Variants in POT1 observed in about 807,000 individuals in gnomAD.
POT1 encodes the protein protection of telomeres 1, also known as protection of telomeres protein 1.
A neutral mutation model predicts 78.5 loss-of-function variants in POT1; 47 were observed. The observed-to-expected ratio is 0.60, with a 90% CI of 0.47 to 0.76. The LOEUF (loss-of-function observed/expected upper bound fraction) is 0.76, where lower values mean the gene tolerates loss of function less well. Ranked by LOEUF, POT1 falls within the 30% of genes least tolerant of loss-of-function variation. The pLI, the probability that POT1 is intolerant of heterozygous loss-of-function variation, is 0.00. For synonymous variants in POT1, 259 were observed against 260.7 expected, an observed-to-expected ratio of 0.99 and a Z score of 0.06; for missense variants, 646 against 749.9, an observed-to-expected ratio of 0.86 and a Z score of 1.62.
intron 7 of POT1, among the ~76,000 whole-genome samples, chr7:124,868,148 A>T (rs1350973807): frequency 6.6e-6 from 1 of 152,184 alleles, no homozygotes; most frequent in Non-Finnish European, 1.5e-5. Flanking sequence ...TAAGAAAAAC[A>T]AGAAAAAATA....
intron 2 of POT1, among the ~76,000 whole-genome samples, chr7:124,917,388 T>C (rs1328115248): frequency 6.6e-6 from 1 of 152,130 alleles, no homozygotes; most frequent in African/African-American, 2.4e-5. Flanking sequence ...AAAGTAACTC[T>C]GAGGAATATG....
chr7:124,852,906 C>T (rs2116503975), intron 10 of POT1, 66 bp downstream of exon 10: 1 of 1,431,616 alleles, frequency 7.0e-7, no homozygotes, highest in Admixed American at 2.0e-5. Context: ...GCCCCAGGAA[C>T]AATATTATCT....
At chr7:124,919,572 C>T (rs1797097864) in intron 2 of POT1, among the ~76,000 whole-genome samples, 1 of 151,928 alleles carries the variant, frequency 6.6e-6, no homozygotes, top group African/African-American at 2.4e-5. Flanking sequence ...ACTGGTATCC[C>T]CAAAAGAAAA....
chr7:124,859,130 A>G lies in POT1; in HGVS notation c.547-18T>C, dbSNP rs1345647601. On this transcript the variant is annotated intron_variant, in intron 8 of 18. Coordinates refer to ENST00000357628, the MANE Select transcript of POT1 (RefSeq NM_015450.3). ...TCCCATACCTGCCATAAGAGAGTAG[A>G]GTAGTTTTATGATCCTTTTGAAAAA... 1.3e-6 allele frequency: 2 copies of G among 1,498,720 alleles called. No individual in the cohort carries two copies. The highest frequency in any genetic ancestry group is 1.8e-6 in the Non-Finnish European group (2 of 1,119,300). 92.8% of individuals were successfully genotyped at this position (1,498,720 alleles called of 1,614,324 possible).
At chr7:124,861,236 GCTC>G (rs936076337) in intron 8 of POT1, among the ~76,000 whole-genome samples, 7 of 152,218 alleles carry the variant, frequency 4.6e-5, no homozygotes, top group South Asian at 2.1e-4. Context: ...GTGTAAAAGC[GCTC>G]CTTTTTCTCC....
chr7:124,879,574 G>A (rs1327864912), intron 6 of POT1, among the ~76,000 whole-genome samples: 2 of 152,088 alleles, frequency 1.3e-5, no homozygotes, highest in East Asian at 1.9e-4. Flanking sequence ...AATGGCAAAC[G>A]ACATGCTGAC....
intron 7 of POT1, among the ~76,000 whole-genome samples, chr7:124,868,018 A>AT (rs1344309157): frequency 6.6e-6 from 1 of 152,302 alleles, no homozygotes; most frequent in East Asian, 1.9e-4. Flanking sequence ...GCTTCTTTGC[A>AT]TTAAAACAGA....
rs1420393991 is a variant in POT1 at position 124,822,515 on chromosome 7, C to T, written c.*1447G>A. ...GCAGGCTCACAGTGTGAACATATGG[C>T]ACCTTTGGACCTCTACTCTTCTAGA... On this transcript the variant is annotated 3_prime_UTR_variant, in exon 19 of 19. Coordinates refer to ENST00000357628, the MANE Select transcript of POT1 (RefSeq NM_015450.3). 2.2e-6 allele frequency: 1 copy of T among 454,502 alleles called. No individual in the cohort carries two copies. Among genetic ancestry groups the T allele is most frequent in the Non-Finnish European group, 4.4e-6 (1 of 225,544 alleles). The allele number at this position is 454,502 out of a possible 1,614,324, so 28.2% of individuals were successfully genotyped here. A position where few individuals can be genotyped will look rare whatever the true frequency, so the allele number is the denominator to read the frequency against.
chr7:124,913,076 T>G (rs1477488287), intron 3 of POT1, among the ~76,000 whole-genome samples: 4 of 152,260 alleles, frequency 2.6e-5, no homozygotes, highest in Admixed American at 6.5e-5. Context: ...AGAAAAACTC[T>G]CGTTTTTAAA....
intron 6 of POT1, among the ~76,000 whole-genome samples, chr7:124,879,500 A>T (rs1796068941): frequency 6.6e-6 from 1 of 152,126 alleles, no homozygotes. Flanking sequence ...ACATTCAATG[A>T]AATTTCTGTA....
intron 7 of POT1, among the ~76,000 whole-genome samples, chr7:124,864,419 G>A (rs1185913170): frequency 1.3e-5 from 2 of 152,060 alleles, no homozygotes; most frequent in African/African-American, 4.8e-5. Flanking sequence ...TCACAGAAAT[G>A]CAGTTATTAA....
At chr7:124,896,178 A>G (rs890380653) in intron 5 of POT1, among the ~76,000 whole-genome samples, 5 of 151,692 alleles carry the variant, frequency 3.3e-5, no homozygotes, top group Non-Finnish European at 7.4e-5. Context: ...GTAGAAATGT[A>G]AAAACAAGCA....
Position 124,836,682 on chromosome 7 carries a change from T to G in POT1, c.1370-1268A>C, listed in dbSNP as rs934164187. Among the ~76,000 whole-genome samples, 9 of 152,202 alleles carry G rather than the reference T, an allele frequency of 5.9e-5. No homozygotes were observed. In the East Asian group the frequency reaches 9.6e-4, roughly 16 times the overall value. The stretch of plus-strand genomic sequence containing the variant: ...GCTCTGGCACATAAGCTGGACAACC[T>G]TGGTCAAGTTACTTAAACTCTGGTA... On this transcript the variant is annotated intron_variant, in intron 14 of 18. Coordinates refer to ENST00000357628, the MANE Select transcript of POT1 (RefSeq NM_015450.3).
intron 3 of POT1, among the ~76,000 whole-genome samples, chr7:124,911,979 G>A (rs1796898700): frequency 6.6e-6 from 1 of 151,980 alleles, no homozygotes; most frequent in South Asian, 2.1e-4. Context: ...ATTTGAATCT[G>A]GCAACATTCA....
Position 124,892,355 on chromosome 7 carries a change from G to GTA in POT1, c.33_34dup (p.Thr12IlefsTer4). On this transcript the variant is annotated frameshift_variant, in exon 6 of 19. Transcript: ENST00000357628. LOFTEE classifies it high-confidence loss of function. ...ACCACCCTTAAGTTGATTCAGGGGT[G>GTA]TATATATATAATTTGTTGCTGGAAC... The GTA allele has an allele frequency of 1.3e-6, 2 of 1,490,830 alleles. No homozygotes were observed. The highest frequency in any genetic ancestry group is 2.8e-5 in the South Asian group (2 of 71,318). The allele number at this position is 1,490,830 out of a possible 1,614,324, so 92.4% of individuals were successfully genotyped here. A position where few individuals can be genotyped will look rare whatever the true frequency, so the allele number is the denominator to read the frequency against.
intron 14 of POT1, among the ~76,000 whole-genome samples, chr7:124,839,604 G>C (rs947553956): frequency 2.6e-5 from 4 of 152,098 alleles, no homozygotes; most frequent in African/African-American, 9.7e-5. Flanking sequence ...ATAATACTTA[G>C]AAACATAAAA....
intron 6 of POT1, among the ~76,000 whole-genome samples, chr7:124,885,010 CCTAATA>C (rs1036341955): frequency 1.3e-5 from 2 of 152,022 alleles, no homozygotes; most frequent in African/African-American, 4.8e-5. Context: ...AAACTGCATA[CCTAATA>C]CTATCTAGCC....
intron 3 of POT1, among the ~76,000 whole-genome samples, chr7:124,914,102 T>C (rs1584525135): frequency 7.4e-6 from 1 of 135,398 alleles, no homozygotes; most frequent in Admixed American, 8.4e-5. Context: ...GCCACTGCAC[T>C]CCAGCCTGGG....
At chr7:124,920,500 G>A (rs956500266) in intron 2 of POT1, among the ~76,000 whole-genome samples, 2 of 152,100 alleles carry the variant, frequency 1.3e-5, no homozygotes, top group Non-Finnish European at 1.5e-5. Flanking sequence ...ACATTTGCAC[G>A]TATTCGTCAA....
Sources: allele counts gnomAD v4.1 joint callset (sites outside exome capture counted in the v4.1 genomes callset), GRCh38; gene constraint gnomAD v4.1.1; transcripts MANE v1.5; gene names NCBI Gene and HGNC (gene_info 2026-07-23, HGNC 2026-07-21).